The following RAB1A variants were observed in gnomAD, a reference collection of about 807,000 sequenced individuals.
The protein encoded by RAB1A is ras-related protein Rab-1A.
RAB1A carries 2 observed loss-of-function variants against 26.0 expected under a neutral mutation model. That is an observed-to-expected ratio of 0.08 (90% CI 0.03 to 0.24). The LOEUF (loss-of-function observed/expected upper bound fraction) is 0.24. Ranked by LOEUF, RAB1A falls within the 10% of genes least tolerant of loss-of-function variation. RAB1A has a pLI of 1.00. For missense variants in RAB1A, 100 were observed against 247.0 expected (o/e 0.40, Z 3.99); for synonymous variants, 84 against 84.9 (o/e 0.99, Z 0.06).
chr2:65,108,401 T>C (rs866895548), intron 1 of RAB1A, among the ~76,000 whole-genome samples: 52 of 151,976 alleles, frequency 3.4e-4, no homozygotes, highest in Non-Finnish European at 1.5e-4. Context: ...GTTTCCTAAT[T>C]GCACTACAAG....
chr2:65,099,417 G>A (rs139358822), intron 2 of RAB1A, among the ~76,000 whole-genome samples: 4 of 152,288 alleles, frequency 2.6e-5, no homozygotes, highest in East Asian at 3.9e-4. Flanking sequence ...GAACAGACCA[G>A]GCTATCATCA....
Position 65,093,269 on chromosome 2 carries a change from C to T in RAB1A, c.193-2191G>A, listed in dbSNP as rs543778879. On this transcript the variant is annotated intron_variant, in intron 3 of 5. Coordinates refer to ENST00000409784, the MANE Select transcript of RAB1A (RefSeq NM_004161.5). Reference sequence around the variant, plus strand: ...CAGAGTAACTTTTTCCCATGTTTGTCTCTCCCATTGTCTGCCTCCTAATGG... The same window carrying T: ...CAGAGTAACTTTTTCCCATGTTTGTTTCTCCCATTGTCTGCCTCCTAATGG... Among the ~76,000 whole-genome samples, 36 of 152,266 alleles carry T rather than the reference C, an allele frequency of 2.4e-4. No individual in the cohort carries two copies. In the South Asian group the frequency reaches 7.5e-3, roughly 32 times the overall value.
chr2:65,102,861 G>A (rs1017961993), intron 2 of RAB1A, among the ~76,000 whole-genome samples: 4 of 151,920 alleles, frequency 2.6e-5, no homozygotes, highest in Non-Finnish European at 4.4e-5. Flanking sequence ...GAGAAGCGGA[G>A]GTTGCAGTGA....
intron 2 of RAB1A, 28 bp downstream of exon 2, chr2:65,104,706 T>C (rs376511375): frequency 2.3e-4 from 336 of 1,470,742 alleles, no homozygotes; most frequent in Non-Finnish European, 3.0e-4. Context: ...GTACCATTAA[T>C]TGTAAAGACA....
intron 1 of RAB1A, among the ~76,000 whole-genome samples, chr2:65,117,733 G>GTTTT (rs11286030): frequency 7.3e-6 from 1 of 136,284 alleles, no homozygotes; most frequent in African/African-American, 2.7e-5. Flanking sequence ...CGTCCAGCTA[G>GTTTT]TTTTTTTTTT....
intron 1 of RAB1A, among the ~76,000 whole-genome samples, chr2:65,115,912 T>C (rs1000488941): frequency 3.9e-5 from 6 of 152,274 alleles, no homozygotes; most frequent in African/African-American, 1.4e-4. Flanking sequence ...TCCCAGCATT[T>C]TGGGAGGCCG....
intron 1 of RAB1A, among the ~76,000 whole-genome samples, chr2:65,129,568 G>A (rs967242401): frequency 6.7e-6 from 1 of 149,330 alleles, no homozygotes; most frequent in Non-Finnish European, 1.5e-5. Flanking sequence ...TCCTTCAAAA[G>A]TCACTGCCTC....
intron 1 of RAB1A, among the ~76,000 whole-genome samples, chr2:65,105,823 C>A (rs555093567): frequency 6.6e-6 from 1 of 151,658 alleles, no homozygotes; most frequent in African/African-American, 2.4e-5. Context: ...AGTGCAGTGG[C>A]GCGATCTCGG....
intron 2 of RAB1A, among the ~76,000 whole-genome samples, chr2:65,103,310 A>AAAAAAAAAAAAAAAAAAAC (rs1226329509): frequency 6.6e-6 from 1 of 151,496 alleles, no homozygotes; most frequent in East Asian, 2.0e-4. Context: ...AAAAAAAAAA[A>AAAAAAAAAAAAAAAAAAAC]AAAACATTGT....
chr2:65,106,068 A>G (rs1669550588), intron 1 of RAB1A, among the ~76,000 whole-genome samples: 1 of 152,128 alleles, frequency 6.6e-6, no homozygotes, highest in Non-Finnish European at 1.5e-5. Context: ...TGATAAAACA[A>G]GGCTCTCTTT....
intron 1 of RAB1A, among the ~76,000 whole-genome samples, chr2:65,129,150 T>C (rs1670174793): frequency 6.6e-6 from 1 of 151,474 alleles, no homozygotes; most frequent in Non-Finnish European, 1.5e-5. Context: ...TTTAGTTTTT[T>C]TTTTTTCCCT....
At chr2:65,129,757 C>A in intron 1 of RAB1A, 136 bp downstream of exon 1, 1 of 1,401,304 alleles carries the variant, frequency 7.1e-7, no homozygotes, top group Middle Eastern at 2.0e-4. Context: ...GACTCCCGGC[C>A]GCCAGCCTCT....
intron 3 of RAB1A, among the ~76,000 whole-genome samples, chr2:65,092,579 G>A (rs1030863397): frequency 6.6e-6 from 1 of 152,168 alleles, no homozygotes; most frequent in African/African-American, 2.4e-5. Flanking sequence ...AGGAAAAATT[G>A]TTTTTTGACT....
chr2:65,111,697 G>A (rs1367196247), intron 1 of RAB1A, among the ~76,000 whole-genome samples: 1 of 152,170 alleles, frequency 6.6e-6, no homozygotes, highest in Non-Finnish European at 1.5e-5. Flanking sequence ...GGAAAGAAGG[G>A]TATACAAGAA....
chr2:65,103,788 T>TA (rs1669490988), intron 2 of RAB1A, among the ~76,000 whole-genome samples: 1 of 150,994 alleles, frequency 6.6e-6, no homozygotes, highest in African/African-American at 2.5e-5. Context: ...TTATTTTTTT[T>TA]CTTTTTTTTT....
intron 4 of RAB1A, among the ~76,000 whole-genome samples, chr2:65,090,707 T>C (rs928063592): frequency 6.6e-6 from 1 of 152,180 alleles, no homozygotes; most frequent in African/African-American, 2.4e-5. Context: ...TGCCTATATG[T>C]TAGAGTCTTG....
In RAB1A at chr2:65,093,403, A is replaced by G. The variant is rs78891314; in HGVS notation, c.193-2325T>C. ...AGAAAGAGGCCTTCCATGGTGTACA[A>G]CTGGACTCAGTACCTGCCCTATCTT... On this transcript the variant is annotated intron_variant, in intron 3 of 5. Transcript: ENST00000409784. 5.6e-3 allele frequency among the ~76,000 whole-genome samples: 853 copies of G among 152,318 alleles called. 10 individuals carry two copies. Among genetic ancestry groups the G allele is most frequent in the African/African-American group, 0.019 (801 of 41,568 alleles).
intron 1 of RAB1A, among the ~76,000 whole-genome samples, chr2:65,110,898 T>C (rs1022647653): frequency 6.6e-6 from 1 of 151,826 alleles, no homozygotes; most frequent in African/African-American, 2.4e-5. Flanking sequence ...AACTCACTAC[T>C]GCATTCCAAC....
At chr2:65,100,273 C>T (rs558624595) in intron 2 of RAB1A, among the ~76,000 whole-genome samples, 40 of 151,194 alleles carry the variant, frequency 2.6e-4, no homozygotes, top group Admixed American at 7.3e-4. Flanking sequence ...TGGTGGCGGG[C>T]GCCTGTAATC....
Sources: allele counts gnomAD v4.1 joint callset (sites outside exome capture counted in the v4.1 genomes callset), GRCh38; gene constraint gnomAD v4.1.1; transcripts MANE v1.5; gene names NCBI Gene and HGNC (gene_info 2026-07-23, HGNC 2026-07-21).